Variants in NAALADL2 observed in about 807,000 individuals in gnomAD.
NAALADL2 encodes the protein inactive N-acetylated-alpha-linked acidic dipeptidase-like protein 2.
In NAALADL2, 76 loss-of-function variants were observed where a neutral mutation model predicts 87.2. The ratio of observed to expected loss-of-function variants is 0.87; its 90% confidence interval spans 0.72 to 1.05. NAALADL2 has a LOEUF of 1.05. Ranked by LOEUF, NAALADL2 falls within the 50% of genes least tolerant of loss-of-function variation. The probability of loss-of-function intolerance (pLI) is 0.00; values close to 1 mark genes in which losing one functional copy is unlikely to be tolerated. For synonymous variants in NAALADL2, 354 were observed against 331.0 expected, an observed-to-expected ratio of 1.07 and a Z score of -0.75; for missense variants, 1,089 against 945.8, an observed-to-expected ratio of 1.15 and a Z score of -1.99.
chr3:174,985,561 G>A (rs546197974), intron 1 of NAALADL2, among the ~76,000 whole-genome samples: 64 of 152,224 alleles, frequency 4.2e-4, no homozygotes, highest in Admixed American at 2.4e-3. Flanking sequence ...CTGTGTGAAC[G>A]TTGGCTGCTT....
intron 2 of NAALADL2, among the ~76,000 whole-genome samples, chr3:174,614,810 A>G (rs1720289840): frequency 6.6e-6 from 1 of 152,074 alleles, no homozygotes; most frequent in African/African-American, 2.4e-5. Context: ...TTGTTTTTTT[A>G]GAAATTCTTA....
chr3:175,100,366 G>A (rs1461255), intron 2 of NAALADL2, among the ~76,000 whole-genome samples: 33,437 of 152,058 alleles, frequency 0.22, 4,999 homozygotes, highest in African/African-American at 0.42. Flanking sequence ...TATACGTCCC[G>A]GTCTCTTCTC....
intron 1 of NAALADL2, among the ~76,000 whole-genome samples, chr3:174,930,432 T>C (rs962932014): frequency 6.6e-6 from 1 of 152,046 alleles, no homozygotes; most frequent in East Asian, 1.9e-4. Flanking sequence ...ATTTTTATTG[T>C]TTATATTACT....
chr3:175,613,317 A>G (rs1250643022), intron 10 of NAALADL2, among the ~76,000 whole-genome samples: 1 of 152,224 alleles, frequency 6.6e-6, no homozygotes, highest in African/African-American at 2.4e-5. Context: ...AAATGATCCA[A>G]AATATTTTGG....
intron 13 of NAALADL2, among the ~76,000 whole-genome samples, chr3:175,787,781 A>AT (rs1752267316): frequency 6.6e-6 from 1 of 152,126 alleles, no homozygotes; most frequent in Non-Finnish European, 1.5e-5. Context: ...AAAAGAAAAT[A>AT]TTTTTCAGCA....
chr3:174,762,052 T>C (rs1578825061), intron 3 of NAALADL2, among the ~76,000 whole-genome samples: 1 of 152,138 alleles, frequency 6.6e-6, no homozygotes, highest in East Asian at 1.9e-4. Flanking sequence ...TCCAAATCCA[T>C]AGTTACATAT....
At chr3:175,235,718 A>G (rs1293254014) in intron 3 of NAALADL2, 1 of 152,242 alleles carries the variant, frequency 6.6e-6, no homozygotes, top group Non-Finnish European at 1.5e-5. Context: ...TAAACACAGA[A>G]CATTCACAAA....
At chr3:175,403,952 T>C (rs1040929457) in intron 5 of NAALADL2, among the ~76,000 whole-genome samples, 1 of 152,160 alleles carries the variant, frequency 6.6e-6, no homozygotes, top group Non-Finnish European at 1.5e-5. Context: ...TTCCAGGTCT[T>C]GGGAATAGTA....
intron 10 of NAALADL2, among the ~76,000 whole-genome samples, chr3:175,594,399 A>G (rs915289392): frequency 3.3e-5 from 5 of 152,090 alleles, no homozygotes; most frequent in Non-Finnish European, 5.9e-5. Context: ...TCCACTACTG[A>G]TCGGTACCTA....
chr3:175,437,300 C>T (rs1355075328), intron 5 of NAALADL2, among the ~76,000 whole-genome samples: 5 of 145,530 alleles, frequency 3.4e-5, no homozygotes, highest in Middle Eastern at 3.5e-3. Context: ...TTCTTATACA[C>T]CAACAACAGA....
chr3:175,309,481 C>G (rs12632214), intron 4 of NAALADL2, among the ~76,000 whole-genome samples: 2 of 151,760 alleles, frequency 1.3e-5, no homozygotes, highest in Non-Finnish European at 2.9e-5. Context: ...CCACTGTGCC[C>G]AGCCCATTAT....
At chr3:175,271,718 G>A (rs556120542) in intron 4 of NAALADL2, among the ~76,000 whole-genome samples, 1 of 152,176 alleles carries the variant, frequency 6.6e-6, no homozygotes, top group Non-Finnish European at 1.5e-5. Flanking sequence ...TTTGAACAAG[G>A]GGGGAGGCAG....
At chr3:174,672,293 G>C (rs1194870420) in intron 2 of NAALADL2, among the ~76,000 whole-genome samples, 1 of 151,914 alleles carries the variant, frequency 6.6e-6, no homozygotes, top group Non-Finnish European at 1.5e-5. Context: ...TTCGTGTTTG[G>C]CTACAAATAC....
chr3:175,327,061 G>A (rs1032632566), intron 5 of NAALADL2, among the ~76,000 whole-genome samples: 2 of 149,698 alleles, frequency 1.3e-5, no homozygotes, highest in Non-Finnish European at 1.5e-5. Flanking sequence ...GGTAGTTTTT[G>A]TTTGGTTTTT....
At chr3:174,764,857 G>A (rs114851560) in intron 3 of NAALADL2, among the ~76,000 whole-genome samples, 1,783 of 152,008 alleles carry the variant, frequency 0.012, 33 homozygotes, top group African/African-American at 0.041. Flanking sequence ...AAGAGAGGTG[G>A]ACTTTTTATA....
At chr3:174,781,352 T>C (rs999195740) in intron 3 of NAALADL2, among the ~76,000 whole-genome samples, 4 of 151,822 alleles carry the variant, frequency 2.6e-5, no homozygotes, top group African/African-American at 9.7e-5. Flanking sequence ...GAAGTTCTCC[T>C]GGATAATATC....
intron 1 of NAALADL2, among the ~76,000 whole-genome samples, chr3:174,892,625 A>G (rs947951452): frequency 6.6e-6 from 1 of 152,148 alleles, no homozygotes; most frequent in Non-Finnish European, 1.5e-5. Context: ...TCAATATCCA[A>G]TTACAAGAAA....
At chr3:175,091,476 T>C (rs1319131264) in intron 1 of NAALADL2, among the ~76,000 whole-genome samples, 1 of 152,080 alleles carries the variant, frequency 6.6e-6, no homozygotes, top group Admixed American at 6.6e-5. Flanking sequence ...TCTGCTACAG[T>C]CATTCATTTA....
At chr3:174,467,468 C>T (rs1453626942) in intron 1 of NAALADL2, among the ~76,000 whole-genome samples, 1 of 151,844 alleles carries the variant, frequency 6.6e-6, no homozygotes, top group East Asian at 1.9e-4. Flanking sequence ...TGGCGGATGC[C>T]TATAATCCCA....
Sources: allele counts gnomAD v4.1 joint callset (sites outside exome capture counted in the v4.1 genomes callset), GRCh38; gene constraint gnomAD v4.1.1; transcripts MANE v1.5; gene names NCBI Gene and HGNC (gene_info 2026-07-23, HGNC 2026-07-21).